CTNNA3: variants seen among roughly 807,000 people sequenced by gnomAD.
CTNNA3 encodes catenin alpha 3.
In CTNNA3, 76 loss-of-function variants were observed where a neutral mutation model predicts 95.7. The observed-to-expected ratio is 0.79, with a 90% CI of 0.66 to 0.96. CTNNA3 has a LOEUF of 0.96. Among genes scored for constraint, CTNNA3 ranks in the 40% least tolerant of loss-of-function variants. The pLI is 0.00. For missense variants in CTNNA3, 1,191 were observed against 1,089.8 expected (o/e 1.09, Z -1.31); for synonymous variants, 431 against 374.4 (o/e 1.15, Z -1.74).
chr10:66,275,425 T>C (rs1014815887), intron 13 of CTNNA3, among the ~76,000 whole-genome samples: 2 of 152,298 alleles, frequency 1.3e-5, no homozygotes, highest in South Asian at 2.1e-4. Context: ...ATTTGAAGCA[T>C]GGACAGTCTC....
intron 5 of CTNNA3, among the ~76,000 whole-genome samples, chr10:67,404,826 C>T (rs1845073940): frequency 6.6e-6 from 1 of 152,120 alleles, no homozygotes; most frequent in Admixed American, 6.5e-5. Context: ...GGCGAGGCCA[C>T]CTACAAAGGG....
rs187061647 is a variant in CTNNA3, at chr10:66,292,278, G to A, written c.1733-11657C>T. ...AATATGTTTCTGGCACATAGTAGAT[G>A]CTCAGTAATTATGCACTGAGTGAAT... On this transcript the variant is annotated intron_variant, in intron 12 of 17. Coordinates refer to ENST00000433211, the MANE Select transcript of CTNNA3 (RefSeq NM_013266.4). Among the ~76,000 whole-genome samples the A allele has an allele frequency of 7.9e-5, 12 of 152,170 alleles. No homozygotes were observed. In the East Asian group the frequency reaches 1.5e-3, roughly 20 times the overall value.
intron 15 of CTNNA3, 107 bp downstream of exon 15, chr10:66,069,201 A>C (rs1311322331): frequency 1.9e-5 from 20 of 1,050,158 alleles, no homozygotes; most frequent in Non-Finnish European, 2.8e-5. Context: ...CTTTTCCCCT[A>C]CCACCTGATT....
rs143325416 is a variant in CTNNA3, at chr10:67,573,184, T to C, written c.293-33515A>G. Among the ~76,000 whole-genome samples, 56 of 152,302 alleles carry C rather than the reference T, an allele frequency of 3.7e-4. No individual in the cohort carries two copies. In the East Asian group the frequency reaches 0.01, roughly 28 times the overall value. The stretch of plus-strand genomic sequence containing the variant: ...TTATCATGACATCATTACGAATTGG[T>C]GTATAGACAATGATGGGATTAGGAT... On this transcript the variant is annotated intron_variant, in intron 3 of 17. Transcript: ENST00000433211.
rs144578465 is a variant in CTNNA3 at position 66,857,627 on chromosome 10, T to C, written c.1048-82103A>G. Among the ~76,000 whole-genome samples, 469 of 152,090 alleles carry C rather than the reference T, an allele frequency of 3.1e-3. 2 individuals are homozygous for C. Among genetic ancestry groups the C allele is most frequent in the African/African-American group, 0.01 (434 of 41,552 alleles). ...TCTTATTGTAGATATCTTTCGCCTC[T>C]GTGGTTTTCTGTATTCCTAGGTATT... On this transcript the variant is annotated intron_variant, in intron 7 of 17. Coordinates refer to ENST00000433211, the MANE Select transcript of CTNNA3 (RefSeq NM_013266.4).
intron 3 of CTNNA3, among the ~76,000 whole-genome samples, chr10:67,575,342 G>GTAAACTTGGTTATCA (rs11271551): frequency 8.6e-5 from 13 of 151,802 alleles, no homozygotes; most frequent in African/African-American, 2.9e-4. Context: ...TCAATTGTGT[G>GTAAACTTGGTTATCA]TTTTGAGACA....
At chr10:66,380,641 ATT>A (rs2092831372) in intron 11 of CTNNA3, among the ~76,000 whole-genome samples, 3 of 148,598 alleles carry the variant, frequency 2.0e-5, no homozygotes, top group Non-Finnish European at 4.5e-5. Context: ...ATATATATAT[ATT>A]AAATTAATTA....
At chr10:66,048,817 C>T (rs901204327) in intron 15 of CTNNA3, among the ~76,000 whole-genome samples, 1 of 151,936 alleles carries the variant, frequency 6.6e-6, no homozygotes, top group Admixed American at 6.6e-5. Flanking sequence ...AAATGTAAAA[C>T]CCAAAAATTA....
At chr10:66,937,038 G>A (rs1046917987) in intron 7 of CTNNA3, among the ~76,000 whole-genome samples, 3 of 152,112 alleles carry the variant, frequency 2.0e-5, no homozygotes, top group Non-Finnish European at 4.4e-5. Flanking sequence ...TTCCAAAGGA[G>A]CCAAGGCAGG....
intron 6 of CTNNA3, among the ~76,000 whole-genome samples, chr10:67,206,011 T>C (rs372098015): frequency 6.6e-6 from 1 of 152,226 alleles, no homozygotes; most frequent in Admixed American, 6.5e-5. Flanking sequence ...AAGAACGTAG[T>C]GTCCCTATCT....
At chr10:66,242,453 C>T (rs1038907364) in intron 13 of CTNNA3, among the ~76,000 whole-genome samples, 5 of 152,026 alleles carry the variant, frequency 3.3e-5, no homozygotes, top group African/African-American at 1.2e-4. Flanking sequence ...CAGCAAAGGA[C>T]TGCTATCAAG....
At chr10:66,818,103 A>T (rs1842160646) in intron 7 of CTNNA3, among the ~76,000 whole-genome samples, 1 of 152,024 alleles carries the variant, frequency 6.6e-6, no homozygotes, top group Non-Finnish European at 1.5e-5. Context: ...CCAAAAAAAA[A>T]AAAAGCAGTC....
At chr10:66,150,527 A>G (rs1312035599) in intron 13 of CTNNA3, among the ~76,000 whole-genome samples, 1 of 151,880 alleles carries the variant, frequency 6.6e-6, no homozygotes, top group Non-Finnish European at 1.5e-5. Flanking sequence ...TATAATAGTC[A>G]TACATATTTA....
intron 7 of CTNNA3, among the ~76,000 whole-genome samples, chr10:66,828,381 T>C (rs117333499): frequency 0.011 from 1,635 of 152,330 alleles, 13 homozygotes; most frequent in Non-Finnish European, 0.019. Flanking sequence ...TACTTTATTC[T>C]TTATGCTCCA....
chr10:67,123,680 T>C (rs374716473), intron 7 of CTNNA3, among the ~76,000 whole-genome samples: 3 of 152,154 alleles, frequency 2.0e-5, no homozygotes, highest in Non-Finnish European at 2.9e-5. Context: ...TAAATTTTCA[T>C]AGAATGGTGT....
intron 16 of CTNNA3, among the ~76,000 whole-genome samples, chr10:65,984,591 T>A (rs1474885739): frequency 6.7e-6 from 1 of 148,486 alleles, no homozygotes; most frequent in Non-Finnish European, 1.5e-5. Context: ...ACCATTTGAA[T>A]AATGCTAAAA....
chr10:66,189,659 C>CAT (rs142435623), intron 13 of CTNNA3, among the ~76,000 whole-genome samples: 55 of 145,776 alleles, frequency 3.8e-4, no homozygotes, highest in East Asian at 7.9e-4. Flanking sequence ...TACACACACA[C>CAT]ATATATATAT....
At chr10:66,962,828 A>G (rs2177352) in intron 7 of CTNNA3, among the ~76,000 whole-genome samples, 37,202 of 152,004 alleles carry the variant, frequency 0.24, 5,040 homozygotes, top group East Asian at 0.36. Flanking sequence ...AGCAATTATC[A>G]CCATATAATA....
At chr10:67,042,618 G>A (rs553600861) in intron 7 of CTNNA3, among the ~76,000 whole-genome samples, 1 of 152,114 alleles carries the variant, frequency 6.6e-6, no homozygotes, top group Admixed American at 6.5e-5. Context: ...GAGGAGAAAG[G>A]AAGTCATGGA....
Sources: gnomAD v4.1 joint callset for allele counts (sites outside exome capture counted in the v4.1 genomes callset) on GRCh38, gnomAD v4.1.1 for gene constraint, MANE v1.5 for transcripts, NCBI Gene and HGNC (gene_info 2026-07-23, HGNC 2026-07-21) for gene names.